ANKRD6: variants seen among roughly 807,000 people sequenced by gnomAD.
The protein encoded by ANKRD6 is ankyrin repeat domain-containing protein 6.
A neutral mutation model predicts 82.3 loss-of-function variants in ANKRD6; 56 were observed. The observed-to-expected ratio is 0.68, with a 90% CI of 0.55 to 0.85. The LOEUF is 0.85. ANKRD6 is among the 40% of genes least tolerant of loss of function. The pLI is 0.00. For missense variants in ANKRD6, 852 were observed against 907.6 expected, an observed-to-expected ratio of 0.94 and a Z score of 0.79; for synonymous variants, 347 against 352.1, an observed-to-expected ratio of 0.99 and a Z score of 0.16.
At chr6:89,574,411 C>G (rs1790647310) in intron 2 of ANKRD6, among the ~76,000 whole-genome samples, 1 of 152,178 alleles carries the variant, frequency 6.6e-6, no homozygotes, top group East Asian at 1.9e-4. Context: ...ACAGGAGTCT[C>G]TATTTCCTCA....
intron 11 of ANKRD6, 122 bp downstream of exon 11, chr6:89,623,666 A>T (rs1804490763): frequency 2.8e-6 from 4 of 1,407,384 alleles, no homozygotes; most frequent in Non-Finnish European, 3.8e-6. Context: ...TTGGAGCCAG[A>T]GCACAGAAAT....
At position 89,578,286 on chromosome 6, in the gene ANKRD6, C is replaced by CTTTTTTTTTTTTTTTTTTTTTTTT. The variant is rs71024383; in HGVS notation, c.120+11193_120+11216dup. On this transcript the variant is annotated intron_variant, in intron 2 of 15. Coordinates refer to ENST00000339746, the MANE Select transcript of ANKRD6 (RefSeq NM_001242809.2). ...ATTAGCTTTTTCCCCCTCCCGCCTC[C>CTTTTTTTTTTTTTTTTTTTTTTTT]TTTTTTTTTTTTTTTTTTTTTTTTT... Among the ~76,000 whole-genome samples, 10 of 119,098 alleles carry CTTTTTTTTTTTTTTTTTTTTTTTT rather than the reference C, an allele frequency of 8.4e-5. 5 individuals are homozygous for CTTTTTTTTTTTTTTTTTTTTTTTT. Among genetic ancestry groups the CTTTTTTTTTTTTTTTTTTTTTTTT allele is most frequent in the African/African-American group, 1.3e-4 (4 of 30,682 alleles). 78.1% of individuals were successfully genotyped at this position (119,098 alleles called of 152,430 possible).
rs181424241 is a variant in ANKRD6, at chr6:89,602,979, G to A, written c.220-50G>A. On this transcript the variant is annotated intron_variant, in intron 3 of 15. Coordinates refer to ENST00000339746, the MANE Select transcript of ANKRD6 (RefSeq NM_001242809.2). ...AAGTGTCAAGTGAGTAGTGCAAGCA[G>A]GGGGTGCAGGGGAGCTGACTGCTGT... The A allele has an allele frequency of 6.4e-5, 94 of 1,469,962 alleles. 1 individual carries two copies. In the East Asian group the frequency reaches 1.7e-3, roughly 26 times the overall value. 91.1% of individuals were successfully genotyped at this position (1,469,962 alleles called of 1,614,324 possible).
intron 1 of ANKRD6, among the ~76,000 whole-genome samples, chr6:89,538,447 A>T (rs905007892): frequency 1.3e-5 from 2 of 152,200 alleles, no homozygotes; most frequent in Non-Finnish European, 2.9e-5. Flanking sequence ...ATGTATGGGG[A>T]TATTCTAAGG....
chr6:89,615,220 G>A (rs1275052702), intron 7 of ANKRD6, among the ~76,000 whole-genome samples: 1 of 152,006 alleles, frequency 6.6e-6, no homozygotes, highest in Non-Finnish European at 1.5e-5. Flanking sequence ...GGTGGTTTCT[G>A]ACCCTGGCTG....
intron 1 of ANKRD6, among the ~76,000 whole-genome samples, chr6:89,485,408 A>G (rs1233710413): frequency 6.6e-6 from 1 of 152,186 alleles, no homozygotes; most frequent in Non-Finnish European, 1.5e-5. Context: ...AAATACTGAT[A>G]TGGCTCAAAA....
intron 2 of ANKRD6, among the ~76,000 whole-genome samples, chr6:89,592,165 C>A (rs928061530): frequency 3.3e-5 from 5 of 152,216 alleles, no homozygotes; most frequent in African/African-American, 1.2e-4. Context: ...AGCCATAGCC[C>A]TTCTGGTTGG....
intron 1 of ANKRD6, among the ~76,000 whole-genome samples, chr6:89,545,148 G>T (rs984770765): frequency 6.7e-6 from 1 of 148,610 alleles, no homozygotes; most frequent in Non-Finnish European, 1.5e-5. Flanking sequence ...GGGAGGCGGA[G>T]CTTGCAGTGA....
chr6:89,554,631 T>C (rs1365747194), intron 1 of ANKRD6, among the ~76,000 whole-genome samples: 1 of 152,182 alleles, frequency 6.6e-6, no homozygotes, highest in African/African-American at 2.4e-5. Context: ...ATGTGTTTAT[T>C]TATCCAATAA....
chr6:89,617,077 T>C (rs1362783972), intron 8 of ANKRD6: 3 of 386,028 alleles, frequency 7.8e-6, no homozygotes, highest in Non-Finnish European at 1.6e-5. Flanking sequence ...ACCTCACTGT[T>C]TCCCTTTCCC....
chr6:89,605,297 G>A (rs1355576315), intron 4 of ANKRD6, among the ~76,000 whole-genome samples: 5 of 152,134 alleles, frequency 3.3e-5, no homozygotes, highest in African/African-American at 9.7e-5. Context: ...CAGGAGAATC[G>A]CTTGAACTCT....
intron 2 of ANKRD6, among the ~76,000 whole-genome samples, chr6:89,584,685 A>G (rs1451908483): frequency 3.3e-5 from 5 of 152,260 alleles, no homozygotes; most frequent in African/African-American, 1.2e-4. Flanking sequence ...AATTTATTCC[A>G]AGTATGCAAG....
chr6:89,482,386 A>G (rs1228664835), intron 1 of ANKRD6, among the ~76,000 whole-genome samples: 2 of 152,246 alleles, frequency 1.3e-5, no homozygotes, highest in African/African-American at 2.4e-5. Flanking sequence ...GAGTGGCTTC[A>G]TCCCAGTATA....
intron 3 of ANKRD6, chr6:89,598,423 G>A: frequency 1.0e-6 from 1 of 985,288 alleles, no homozygotes. Context: ...ATCAGAGAGA[G>A]AAAAAGAGGT....
chr6:89,457,484 C>T (rs778234449), intron 1 of ANKRD6, among the ~76,000 whole-genome samples: 7 of 152,210 alleles, frequency 4.6e-5, no homozygotes, highest in Non-Finnish European at 7.3e-5. Context: ...TTCTACTTCT[C>T]ACTTAATGAG....
At chr6:89,454,825 G>T (rs1250597104) in intron 1 of ANKRD6, among the ~76,000 whole-genome samples, 1 of 151,986 alleles carries the variant, frequency 6.6e-6, no homozygotes, top group Non-Finnish European at 1.5e-5. Context: ...TGTCCCTTTA[G>T]ATGTTTTTGT....
At chr6:89,458,803 T>C (rs1163245855) in intron 1 of ANKRD6, among the ~76,000 whole-genome samples, 1 of 152,200 alleles carries the variant, frequency 6.6e-6, no homozygotes, top group African/African-American at 2.4e-5. Context: ...CATCCTTCGA[T>C]CCAATAAGGT....
intron 1 of ANKRD6, among the ~76,000 whole-genome samples, chr6:89,464,238 G>A (rs1043556234): frequency 2.6e-5 from 4 of 151,798 alleles, no homozygotes; most frequent in Non-Finnish European, 5.9e-5. Context: ...GCCTCCACTG[G>A]CAGGAACTTC....
intron 2 of ANKRD6, among the ~76,000 whole-genome samples, chr6:89,578,677 A>G (rs1390701109): frequency 6.6e-6 from 1 of 152,206 alleles, no homozygotes; most frequent in Non-Finnish European, 1.5e-5. Context: ...AGTCAAGTTT[A>G]AAAATATGTG....
Sources: gnomAD v4.1 joint callset for allele counts (sites outside exome capture counted in the v4.1 genomes callset) on GRCh38, gnomAD v4.1.1 for gene constraint, MANE v1.5 for transcripts, NCBI Gene and HGNC (gene_info 2026-07-23, HGNC 2026-07-21) for gene names.